The following ABAT variants were observed in gnomAD, a reference collection of about 807,000 sequenced individuals.
ABAT encodes the protein 4-aminobutyrate aminotransferase.
Under a neutral mutation model 64.6 loss-of-function variants are expected in ABAT, and 45 were observed. The observed-to-expected ratio is 0.70, with a 90% CI of 0.55 to 0.89. The LOEUF is 0.89. Ranked by LOEUF, ABAT falls within the 40% of genes least tolerant of loss-of-function variation. The pLI, the probability that ABAT is intolerant of heterozygous loss-of-function variation, is 0.00. For synonymous variants in ABAT, 297 were observed against 250.5 expected (o/e 1.19, Z -1.75); for missense variants, 633 against 658.4 (o/e 0.96, Z 0.42).
chr16:8,698,420 G>A (rs1042143013), intron 1 of ABAT, among the ~76,000 whole-genome samples: 64 of 150,670 alleles, frequency 4.2e-4, no homozygotes, highest in African/African-American at 1.5e-3. Flanking sequence ...CACAACCTCC[G>A]CCTCCTGGGT....
At chr16:8,755,632 CG>C (rs1454490984) in intron 5 of ABAT, among the ~76,000 whole-genome samples, 1 of 152,124 alleles carries the variant, frequency 6.6e-6, no homozygotes, top group Non-Finnish European at 1.5e-5. Flanking sequence ...GACTTCAGGC[CG>C]GGTTCGGTGG....
intron 1 of ABAT, among the ~76,000 whole-genome samples, chr16:8,725,742 A>G (rs1397122486): frequency 1.3e-5 from 2 of 151,890 alleles, no homozygotes; most frequent in African/African-American, 4.8e-5. Flanking sequence ...TTTTGCACCA[A>G]CCTAGTACTT....
chr16:8,750,673 G>T, intron 5 of ABAT, 134 bp downstream of exon 5: 1 of 811,450 alleles, frequency 1.2e-6, no homozygotes, highest in South Asian at 1.4e-5. Context: ...CCAAGGGTAG[G>T]AAAAAAATAA....
chr16:8,764,685 G>A lies in ABAT; in HGVS notation c.448-53G>A, dbSNP rs2059892429. 79 of 1,522,658 alleles carry A rather than the reference G, an allele frequency of 5.2e-5. No individual in the cohort carries two copies. Among genetic ancestry groups the A allele is most frequent in the Non-Finnish European group, 7.2e-5 (79 of 1,097,270 alleles). 94.3% of individuals were successfully genotyped at this position (1,522,658 alleles called of 1,614,324 possible). A position where few individuals can be genotyped will look rare whatever the true frequency, so the allele number is the denominator to read the frequency against. On this transcript the variant is annotated intron_variant, in intron 7 of 15. Transcript: ENST00000268251. The surrounding 1 kb of genome is among the most constrained non-coding windows in gnomAD (Gnocchi z 4.2). ...GATTCAGCTCCAGCCAGGGGAAGCGGGAGGACAGGAGTCATGATGAGCCTG... is the reference window on the plus strand; with the variant it reads ...GATTCAGCTCCAGCCAGGGGAAGCGAGAGGACAGGAGTCATGATGAGCCTG...
intron 1 of ABAT, among the ~76,000 whole-genome samples, chr16:8,707,133 ACTCT>A (rs1226440397): frequency 7.2e-5 from 11 of 151,744 alleles, no homozygotes; most frequent in African/African-American, 2.7e-4. Flanking sequence ...CTGGAAGATG[ACTCT>A]CTCCCTGTGC....
intron 5 of ABAT, among the ~76,000 whole-genome samples, chr16:8,754,429 A>G (rs1191166287): frequency 6.6e-6 from 1 of 152,082 alleles, no homozygotes; most frequent in Admixed American, 6.6e-5. Context: ...TAGAAGGAAG[A>G]GGGGGTGGTC....
intron 15 of ABAT, among the ~76,000 whole-genome samples, chr16:8,780,133 TG>T (rs2060390071): frequency 6.7e-6 from 1 of 149,416 alleles, no homozygotes; most frequent in Non-Finnish European, 1.5e-5. Context: ...TGGCCTGAGG[TG>T]GGATGGAGCT....
Position 8,779,466 on chromosome 16 carries a change from C to G in ABAT, c.1270-13C>G, listed in dbSNP as rs1458068925. 6.2e-7 allele frequency: 1 copy of G among 1,612,138 alleles called. No homozygotes were observed. The highest frequency in any genetic ancestry group is 8.5e-7 in the Non-Finnish European group (1 of 1,178,376). On this transcript the variant is annotated splice_polypyrimidine_tract_variant and intron_variant, in intron 14 of 15. Coordinates refer to ENST00000268251, the MANE Select transcript of ABAT (RefSeq NM_020686.6). Reference sequence around the variant, plus strand: ...ATGGGCTTTGACGCCAGCCTTGTCTCCTCCCACTACAGGCCCGGTACCCCC... The same window carrying G: ...ATGGGCTTTGACGCCAGCCTTGTCTGCTCCCACTACAGGCCCGGTACCCCC...
At chr16:8,726,167 A>C (rs1195301899) in intron 1 of ABAT, among the ~76,000 whole-genome samples, 2 of 152,146 alleles carry the variant, frequency 1.3e-5, no homozygotes, top group Non-Finnish European at 2.9e-5. Context: ...CCCACAAATA[A>C]GTGAGAACAC....
rs576288746 is a variant in ABAT at position 8,723,424 on chromosome 16, C to A, written c.-41-12275C>A. Among the ~76,000 whole-genome samples, 18 of 152,246 alleles carry A rather than the reference C, an allele frequency of 1.2e-4. No individual in the cohort carries two copies. The East Asian group carries it at 1.5e-3, about 13-fold the overall frequency. On this transcript the variant is annotated intron_variant, in intron 1 of 15. Coordinates refer to ENST00000268251, the MANE Select transcript of ABAT (RefSeq NM_020686.6). ...CAGGCTTCTGTACCAAGAAAGAGAG[C>A]CTTCCCTTGTGGCAGCCTGCATCTG...
At chr16:8,703,442 AGAGT>A (rs772426218) in intron 1 of ABAT, among the ~76,000 whole-genome samples, 4 of 151,952 alleles carry the variant, frequency 2.6e-5, no homozygotes, top group Non-Finnish European at 4.4e-5. Context: ...GGTGACAGAC[AGAGT>A]GAGACTCTGT....
chr16:8,740,674 C>T (rs985002091), intron 2 of ABAT, among the ~76,000 whole-genome samples: 2 of 152,218 alleles, frequency 1.3e-5, no homozygotes, highest in Admixed American at 6.5e-5. Flanking sequence ...AACGATCTGA[C>T]ATGGTGTTCC....
rs185709734 is a variant in ABAT, at chr16:8,753,133, G to A, written c.316+2594G>A. On this transcript the variant is annotated intron_variant, in intron 5 of 15. Transcript: ENST00000268251. ...TTTTTAGACGGAGTCTTGCTCTGTC[G>A]CCCAGGCTGGAGTGTAGTGGCATGA... 6.0e-3 allele frequency among the ~76,000 whole-genome samples: 849 copies of A among 141,112 alleles called. 8 individuals are homozygous for A. Among genetic ancestry groups the A allele is most frequent in the Non-Finnish European group, 8.6e-3 (572 of 66,194 alleles). 92.6% of individuals were successfully genotyped at this position (141,112 alleles called of 152,430 possible).
chr16:8,702,576 T>C (rs2057848946), intron 1 of ABAT, among the ~76,000 whole-genome samples: 1 of 152,026 alleles, frequency 6.6e-6, no homozygotes, highest in Non-Finnish European at 1.5e-5. Flanking sequence ...CAACCACATC[T>C]CATGAGAACT....
intron 1 of ABAT, among the ~76,000 whole-genome samples, chr16:8,725,673 A>G (rs116566945): frequency 0.01 from 1,545 of 152,188 alleles, 17 homozygotes; most frequent in African/African-American, 0.032. Flanking sequence ...TAGTGCTGCT[A>G]TGTGTATTTG....
At chr16:8,732,384 G>T (rs1465625486) in intron 1 of ABAT, among the ~76,000 whole-genome samples, 1 of 150,666 alleles carries the variant, frequency 6.6e-6, no homozygotes, top group Admixed American at 6.6e-5. Flanking sequence ...CGCAGTGTTT[G>T]TGTCCCTGGG....
chr16:8,772,161 T>C (rs1164994197), intron 11 of ABAT, among the ~76,000 whole-genome samples: 1 of 151,914 alleles, frequency 6.6e-6, no homozygotes, highest in Admixed American at 6.6e-5. Flanking sequence ...ATAGGAACAA[T>C]AATAATCAAT....
At chr16:8,766,133 T>C in intron 8 of ABAT, 75 bp from the exon 9 acceptor site, 1 of 1,387,092 alleles carries the variant, frequency 7.2e-7, no homozygotes, top group Non-Finnish European at 1.0e-6. Context: ...GGACTGAATA[T>C]CGGTTTGGTT....
At chr16:8,744,738 G>C (rs1419760338) in intron 2 of ABAT, among the ~76,000 whole-genome samples, 1 of 151,556 alleles carries the variant, frequency 6.6e-6, no homozygotes, top group African/African-American at 2.4e-5. Context: ...TGTAGTGGTA[G>C]GCACCTGTAA....
Sources: gnomAD v4.1 joint callset for allele counts (sites outside exome capture counted in the v4.1 genomes callset) on GRCh38, gnomAD v4.1.1 for gene constraint, Gnocchi (gnomAD v3.1) non-coding constraint, MANE v1.5 for transcripts, NCBI Gene and HGNC (gene_info 2026-07-23, HGNC 2026-07-21) for gene names.